TRMT9B: variants seen among roughly 807,000 people sequenced by gnomAD.
The protein encoded by TRMT9B is tRNA methyltransferase 9B (putative), also known as probable tRNA methyltransferase 9B.
In TRMT9B, 16 loss-of-function variants were observed where a neutral mutation model predicts 11.5. The observed-to-expected ratio is 1.39, with a 90% CI of 0.94 to 2.11. The LOEUF (loss-of-function observed/expected upper bound fraction) is 2.11, where lower values mean the gene tolerates loss of function less well. TRMT9B is among the 30% of genes most tolerant of loss of function. TRMT9B has a pLI of 0.00. For synonymous variants in TRMT9B, 274 were observed against 192.4 expected, an observed-to-expected ratio of 1.42 and a Z score of -3.51; for missense variants, 941 against 553.8, an observed-to-expected ratio of 1.70 and a Z score of -7.02.
At chr8:12,957,127 G>A (rs1403725083) in intron 1 of TRMT9B, among the ~76,000 whole-genome samples, 3 of 151,998 alleles carry the variant, frequency 2.0e-5, no homozygotes, top group African/African-American at 7.3e-5. Context: ...CTCTCATGGT[G>A]AGGTGGAAGA....
intron 3 of TRMT9B, chr8:13,010,249 A>C: frequency 4.5e-6 from 4 of 883,506 alleles, no homozygotes; most frequent in Non-Finnish European, 5.4e-6. Context: ...TGAATTTTGT[A>C]CTATATACAT....
chr8:12,977,933 G>A (rs1255792700), intron 1 of TRMT9B, among the ~76,000 whole-genome samples: 5 of 152,182 alleles, frequency 3.3e-5, no homozygotes, highest in Admixed American at 1.3e-4. Context: ...GGAGGCTGAG[G>A]TGGGAAGACT....
At chr8:12,977,424 C>T (rs559532952) in intron 1 of TRMT9B, among the ~76,000 whole-genome samples, 11 of 152,080 alleles carry the variant, frequency 7.2e-5, no homozygotes, top group East Asian at 1.9e-4. Flanking sequence ...TATTCTTGGC[C>T]GGGCGTGGGT....
At chr8:12,954,327 G>A (rs1230453794) in intron 1 of TRMT9B, among the ~76,000 whole-genome samples, 2 of 152,202 alleles carry the variant, frequency 1.3e-5, no homozygotes, top group Admixed American at 1.3e-4. Context: ...CTCCTTTAGA[G>A]AACTAGTCTC....
At chr8:12,995,440 T>C (rs887129086) in intron 2 of TRMT9B, among the ~76,000 whole-genome samples, 8 of 152,200 alleles carry the variant, frequency 5.3e-5, no homozygotes, top group Non-Finnish European at 1.2e-4. Flanking sequence ...TATTAAGTCA[T>C]AGCTCTTAGC....
rs372362869 is a variant in TRMT9B at position 13,028,569 on chromosome 8, C to CTTTTTT, written c.*6529_*6530insTTTTTT. On this transcript the variant is annotated 3_prime_UTR_variant, in exon 5 of 5. Transcript: ENST00000524591. ...TAAGTGATAAGCACTTTTCTCTTTT[C>CTTTTTT]TTTTCTTTTTTTTTTTTTTTTTTTG... is the stretch of plus-strand genomic sequence containing the variant. 7.3e-5 allele frequency: 8 copies of CTTTTTT among 109,448 alleles called. No homozygotes were observed. The Admixed American group carries it at 9.3e-4, about 13-fold the overall frequency. 6.8% of individuals were successfully genotyped at this position (109,448 alleles called of 1,614,324 possible).
At chr8:12,975,487 A>C (rs932266080) in intron 1 of TRMT9B, among the ~76,000 whole-genome samples, 1 of 152,178 alleles carries the variant, frequency 6.6e-6, no homozygotes, top group Non-Finnish European at 1.5e-5. Flanking sequence ...CTGTAATCCC[A>C]GCACTTTGGG....
At chr8:12,957,058 T>G (rs1020967784) in intron 1 of TRMT9B, among the ~76,000 whole-genome samples, 2 of 152,216 alleles carry the variant, frequency 1.3e-5, no homozygotes, top group Non-Finnish European at 2.9e-5. Context: ...GTTATGATAG[T>G]ATGGTACTTT....
chr8:13,015,212 T>C (rs561195688), intron 4 of TRMT9B, among the ~76,000 whole-genome samples: 1 of 152,228 alleles, frequency 6.6e-6, no homozygotes, highest in African/African-American at 2.4e-5. Context: ...TTTTTAATGA[T>C]TCAAGAATTT....
chr8:12,995,568 CT>C (rs1808192191), intron 2 of TRMT9B, among the ~76,000 whole-genome samples: 1 of 152,134 alleles, frequency 6.6e-6, no homozygotes, highest in Non-Finnish European at 1.5e-5. Context: ...TGCACTTCCC[CT>C]GGTTTCTTTC....
intron 1 of TRMT9B, among the ~76,000 whole-genome samples, chr8:12,955,836 GGCTCCCGGGCGGCAA>G (rs1188560208): frequency 6.6e-6 from 1 of 152,100 alleles, no homozygotes. Flanking sequence ...CTCATGCGTT[GGCTCCCGGGCGGCAA>G]GCTTGATGGG....
chr8:12,947,686 A>G (rs57381630), intron 1 of TRMT9B, among the ~76,000 whole-genome samples: 3,377 of 152,364 alleles, frequency 0.022, 129 homozygotes, highest in African/African-American at 0.077. Context: ...CAAAAGCTTT[A>G]GGAAAAGAAC....
chr8:12,967,976 A>G (rs1200724825), intron 1 of TRMT9B, among the ~76,000 whole-genome samples: 2 of 152,058 alleles, frequency 1.3e-5, no homozygotes, highest in Admixed American at 6.5e-5. Flanking sequence ...GCTCACTGCA[A>G]CCTCCGCCTA....
intron 2 of TRMT9B, among the ~76,000 whole-genome samples, chr8:13,004,933 A>G (rs973812574): frequency 6.6e-6 from 1 of 151,984 alleles, no homozygotes; most frequent in African/African-American, 2.4e-5. Context: ...TAGAACACCA[A>G]GTAGACTTCT....
At chr8:13,001,754 G>T (rs1401475) in intron 2 of TRMT9B, among the ~76,000 whole-genome samples, 9,287 of 152,232 alleles carry the variant, frequency 0.061, 351 homozygotes, top group African/African-American at 0.1. Flanking sequence ...GTGCTGGTGT[G>T]CATTTTGAAT....
rs1279279132 is a variant in TRMT9B at position 13,024,100 on chromosome 8, C to T, written c.*2056C>T. The T allele has an allele frequency of 7.2e-5, 10 of 138,924 alleles. No homozygotes were observed. Among genetic ancestry groups the T allele is most frequent in the Non-Finnish European group, 1.5e-4 (10 of 65,500 alleles). The allele number at this position is 138,924 out of a possible 1,614,324, so 8.6% of individuals were successfully genotyped here. On this transcript the variant is annotated 3_prime_UTR_variant, in exon 5 of 5. Transcript: ENST00000524591. ...GCTCTGTCGCCCAGGCTGGAGTGCACTGGCGCGATCTCGGCTCACTGTAAG... is the reference window on the plus strand; with the variant it reads ...GCTCTGTCGCCCAGGCTGGAGTGCATTGGCGCGATCTCGGCTCACTGTAAG...
chr8:12,994,856 A>C (rs562421634), intron 2 of TRMT9B, among the ~76,000 whole-genome samples: 1 of 152,156 alleles, frequency 6.6e-6, no homozygotes, highest in Admixed American at 6.5e-5. Flanking sequence ...TAATGTTTGT[A>C]TTTTTAGTAG....
intron 2 of TRMT9B, among the ~76,000 whole-genome samples, chr8:13,001,874 C>T (rs1270002911): frequency 6.6e-6 from 1 of 152,150 alleles, no homozygotes; most frequent in African/African-American, 2.4e-5. Context: ...CTAATCCAAA[C>T]CCTTTATCTC....
intron 2 of TRMT9B, among the ~76,000 whole-genome samples, chr8:13,004,561 T>C (rs1317963620): frequency 6.6e-6 from 1 of 152,042 alleles, no homozygotes; most frequent in Non-Finnish European, 1.5e-5. Flanking sequence ...AGACACACCC[T>C]GGGCCAGAAG....
Sources: allele counts gnomAD v4.1 joint callset (sites outside exome capture counted in the v4.1 genomes callset), GRCh38; gene constraint gnomAD v4.1.1; transcripts MANE v1.5; gene names NCBI Gene and HGNC (gene_info 2026-07-23, HGNC 2026-07-21).